The following ULK4 variants were observed in gnomAD, a reference collection of about 807,000 sequenced individuals.
ULK4 encodes the protein inactive serine/threonine-protein kinase ULK4.
A neutral mutation model predicts 160.6 loss-of-function variants in ULK4; 133 were observed. The observed-to-expected ratio is 0.83, with a 90% CI of 0.72 to 0.96. The LOEUF (loss-of-function observed/expected upper bound fraction) is 0.96, where lower values mean the gene tolerates loss of function less well. Ranked by LOEUF, ULK4 falls within the 40% of genes least tolerant of loss-of-function variation. ULK4 has a pLI of 0.00. For missense variants in ULK4, 1,580 were observed against 1,499.5 expected, an observed-to-expected ratio of 1.05 and a Z score of -0.89; for synonymous variants, 534 against 539.8, an observed-to-expected ratio of 0.99 and a Z score of 0.15.
At chr3:41,523,515 T>C (rs1162778007) in intron 32 of ULK4, among the ~76,000 whole-genome samples, 2 of 152,184 alleles carry the variant, frequency 1.3e-5, no homozygotes, top group African/African-American at 2.4e-5. Context: ...TATTTTATAT[T>C]TTATTACAAT....
intron 17 of ULK4, among the ~76,000 whole-genome samples, chr3:41,838,717 CAACAA>C (rs1659900980): frequency 6.6e-6 from 1 of 152,120 alleles, no homozygotes; most frequent in South Asian, 2.1e-4. Context: ...GTGTATCACT[CAACAA>C]AAGAGCTGCC....
rs1464734679 is a variant in ULK4 at position 41,772,839 on chromosome 3, A to G, written c.2193+16822T>C. ...ATCCTCAATAAAATACTGACAAACC[A>G]AATCCAGCAGCACATCAAAAAGCTT... On this transcript the variant is annotated intron_variant, in intron 21 of 36. Coordinates refer to ENST00000301831, the MANE Select transcript of ULK4 (RefSeq NM_017886.4). 3.3e-5 allele frequency among the ~76,000 whole-genome samples: 5 copies of G among 152,260 alleles called. No homozygotes were observed. In the South Asian group the frequency reaches 6.2e-4, roughly 19 times the overall value.
intron 22 of ULK4, among the ~76,000 whole-genome samples, chr3:41,738,002 C>G (rs2125875903): frequency 6.6e-6 from 1 of 151,962 alleles, no homozygotes; most frequent in South Asian, 2.1e-4. Context: ...TCTGGTACAT[C>G]CCCTCTCTAG....
At chr3:41,949,342 T>C (rs1027001900) in intron 2 of ULK4, among the ~76,000 whole-genome samples, 7 of 150,180 alleles carry the variant, frequency 4.7e-5, no homozygotes, top group East Asian at 1.9e-4. Flanking sequence ...ACACAAAAAG[T>C]AAAGTTTCCA....
chr3:41,760,005 C>G (rs1365317346), intron 21 of ULK4, among the ~76,000 whole-genome samples: 1 of 152,010 alleles, frequency 6.6e-6, no homozygotes, highest in Non-Finnish European at 1.5e-5. Context: ...TAAAATTTCT[C>G]CCCTGTGAAG....
intron 22 of ULK4, among the ~76,000 whole-genome samples, chr3:41,733,724 G>GTTTT (rs2037915843): frequency 1.8e-5 from 2 of 111,444 alleles, no homozygotes; most frequent in African/African-American, 5.1e-5. Context: ...CTAAACACAT[G>GTTTT]ATTTTTTTTT....
intron 30 of ULK4, among the ~76,000 whole-genome samples, chr3:41,644,452 A>G (rs528784415): frequency 6.8e-4 from 103 of 152,268 alleles, no homozygotes; most frequent in African/African-American, 2.2e-3. Flanking sequence ...TGAGATAATC[A>G]TGTGGTTTTT....
At chr3:41,343,392 C>A (rs924145981) in intron 35 of ULK4, among the ~76,000 whole-genome samples, 1 of 149,388 alleles carries the variant, frequency 6.7e-6, no homozygotes, top group Non-Finnish European at 1.5e-5. Flanking sequence ...GCAGCCTCTG[C>A]CTCCCGGGTT....
intron 32 of ULK4, among the ~76,000 whole-genome samples, chr3:41,529,551 C>A (rs988895510): frequency 2.0e-5 from 3 of 152,176 alleles, no homozygotes; most frequent in Admixed American, 6.5e-5. Flanking sequence ...GTGGCACAAT[C>A]TCGGCTCACT....
At chr3:41,313,864 A>C (rs2080098679) in intron 35 of ULK4, among the ~76,000 whole-genome samples, 1 of 152,214 alleles carries the variant, frequency 6.6e-6, no homozygotes, top group African/African-American at 2.4e-5. Context: ...GTCTGAAGTC[A>C]AGTGACTTCT....
chr3:41,390,039 T>A (rs970561633), intron 35 of ULK4, among the ~76,000 whole-genome samples: 6 of 152,180 alleles, frequency 3.9e-5, no homozygotes, highest in African/African-American at 9.7e-5. Context: ...AATTATTGCC[T>A]AAATTTCAGA....
chr3:41,393,100 G>A (rs1019010614), intron 35 of ULK4, among the ~76,000 whole-genome samples: 1 of 152,176 alleles, frequency 6.6e-6, no homozygotes, highest in Non-Finnish European at 1.5e-5. Context: ...ACCTATATGT[G>A]TCTGCAAAGT....
chr3:41,802,522 C>T (rs1330417316), intron 19 of ULK4, among the ~76,000 whole-genome samples: 2 of 152,128 alleles, frequency 1.3e-5, no homozygotes, highest in Non-Finnish European at 2.9e-5. Context: ...TGAACTCGAA[C>T]TCCTTGTCCC....
chr3:41,467,925 TA>T (rs1185316940), intron 32 of ULK4, among the ~76,000 whole-genome samples: 9 of 152,188 alleles, frequency 5.9e-5, no homozygotes, highest in Admixed American at 4.6e-4. Context: ...TTTTACTGCA[TA>T]TAAAATATAC....
chr3:41,347,068 C>T lies in ULK4; in HGVS notation c.3678+51011G>A, dbSNP rs569745971. On this transcript the variant is annotated intron_variant, in intron 35 of 36. Transcript: ENST00000301831. ...CTTTTTAGACATAGGAACAAATATT[C>T]AGGAAAAAAAAAACCCACATAGGAT... Among the ~76,000 whole-genome samples, 344 of 138,460 alleles carry T rather than the reference C, an allele frequency of 2.5e-3. 3 individuals carry two copies. The highest frequency in any genetic ancestry group is 9.1e-3 in the African/African-American group (322 of 35,286). 90.8% of individuals were successfully genotyped at this position (138,460 alleles called of 152,430 possible).
chr3:41,886,669 G>A (rs1697733168), intron 16 of ULK4, among the ~76,000 whole-genome samples: 1 of 151,524 alleles, frequency 6.6e-6, no homozygotes, highest in South Asian at 2.1e-4. Flanking sequence ...TCCGCCTCCT[G>A]GGTTCAAGCC....
chr3:41,458,595 G>C (rs1176438567), intron 33 of ULK4, among the ~76,000 whole-genome samples: 1 of 151,298 alleles, frequency 6.6e-6, no homozygotes, highest in Non-Finnish European at 1.5e-5. Context: ...CAGCTTCTTA[G>C]TATTAAAAAA....
At chr3:41,313,587 G>A (rs1271007096) in intron 35 of ULK4, among the ~76,000 whole-genome samples, 2 of 151,896 alleles carry the variant, frequency 1.3e-5, no homozygotes, top group Non-Finnish European at 2.9e-5. Context: ...TCTTTTACAA[G>A]CTTCTTTAGT....
At chr3:41,731,742 GT>G (rs2037832787) in intron 22 of ULK4, among the ~76,000 whole-genome samples, 2 of 147,978 alleles carry the variant, frequency 1.4e-5, no homozygotes, top group Non-Finnish European at 3.0e-5. Flanking sequence ...GCACTACAAA[GT>G]TTTGATAACC....
Sources: allele counts gnomAD v4.1 joint callset (sites outside exome capture counted in the v4.1 genomes callset), GRCh38; gene constraint gnomAD v4.1.1; transcripts MANE v1.5; gene names NCBI Gene and HGNC (gene_info 2026-07-23, HGNC 2026-07-21).